WNT3A: variants seen among roughly 807,000 people sequenced by gnomAD.
WNT3A encodes the protein Wnt family member 3A.
A neutral mutation model predicts 37.0 loss-of-function variants in WNT3A; 17 were observed. That is an observed-to-expected ratio of 0.46 (90% CI 0.31 to 0.69). The LOEUF (loss-of-function observed/expected upper bound fraction) is 0.69. Among genes scored for constraint, WNT3A ranks in the 30% least tolerant of loss-of-function variants. WNT3A has a pLI of 0.05. For synonymous variants in WNT3A, 187 were observed against 211.0 expected (o/e 0.89, Z 0.99); for missense variants, 411 against 510.2 (o/e 0.81, Z 1.87).
At chr1:228,049,945 T>G (rs1159262115) in intron 2 of WNT3A, among the ~76,000 whole-genome samples, 1 of 151,970 alleles carries the variant, frequency 6.6e-6, no homozygotes, top group Non-Finnish European at 1.5e-5. Flanking sequence ...ACCTTGCTAA[T>G]TTTAACATTT....
intron 2 of WNT3A, among the ~76,000 whole-genome samples, chr1:228,036,463 C>G (rs994221895): frequency 6.6e-6 from 1 of 152,124 alleles, no homozygotes; most frequent in East Asian, 1.9e-4. Context: ...CCCCATCTGC[C>G]GTCCACCTGG....
At chr1:228,036,289 C>A (rs2031140505) in intron 2 of WNT3A, among the ~76,000 whole-genome samples, 1 of 152,088 alleles carries the variant, frequency 6.6e-6, no homozygotes, top group Non-Finnish European at 1.5e-5. Context: ...TGAGTGTACA[C>A]CCTAGCGTGT....
intron 3 of WNT3A, among the ~76,000 whole-genome samples, chr1:228,054,650 AAC>A (rs2031631143): frequency 1.3e-5 from 2 of 150,576 alleles, no homozygotes; most frequent in Non-Finnish European, 3.0e-5. Flanking sequence ...AAAAAAAGAA[AAC>A]ACAATGTCCA....
intron 1 of WNT3A, among the ~76,000 whole-genome samples, chr1:228,019,716 C>T (rs1571795480): frequency 6.6e-6 from 1 of 152,226 alleles, no homozygotes; most frequent in African/African-American, 2.4e-5. Flanking sequence ...CACCCACCAC[C>T]CTCTCCATTC....
chr1:228,060,326 G>A lies in WNT3A; in HGVS notation c.*861G>A, dbSNP rs77819929. On this transcript the variant is annotated 3_prime_UTR_variant, in exon 4 of 4. Transcript: ENST00000284523. ...ATGAAGCGAGTCGGGTCCCCAACCCGTGCCCCTGGGATCCGAGGGCCCCTC... is the reference window on the plus strand; with the variant it reads ...ATGAAGCGAGTCGGGTCCCCAACCCATGCCCCTGGGATCCGAGGGCCCCTC... 16 of 1,344,490 alleles carry A rather than the reference G, an allele frequency of 1.2e-5. No individual in the cohort carries two copies. Among genetic ancestry groups the A allele is most frequent in the African/African-American group, 3.0e-5 (2 of 67,512 alleles). The allele number at this position is 1,344,490 out of a possible 1,614,324, so 83.3% of individuals were successfully genotyped here. A position where few individuals can be genotyped will look rare whatever the true frequency, so the allele number is the denominator to read the frequency against.
chr1:228,041,674 T>A (rs995349831), intron 2 of WNT3A, among the ~76,000 whole-genome samples: 2 of 152,130 alleles, frequency 1.3e-5, no homozygotes, highest in African/African-American at 4.8e-5. Context: ...TCAGAGCTCA[T>A]GTTGTCAAGC....
Position 228,014,999 on chromosome 1 carries a change from C to T in WNT3A, c.72-7668C>T, listed in dbSNP as rs890193006. ...ATGACAGCCTCCCCTTCAAAACAAA[C>T]GATTGTTAGGAAAAAAACAAAACAA... On this transcript the variant is annotated intron_variant, in intron 1 of 3. Transcript: ENST00000284523. Among the ~76,000 whole-genome samples the T allele has an allele frequency of 1.5e-4, 23 of 152,072 alleles. 1 individual carries two copies. The highest frequency in any genetic ancestry group is 2.2e-4 in the Non-Finnish European group (15 of 68,014).
intron 1 of WNT3A, among the ~76,000 whole-genome samples, chr1:228,021,452 GAT>G (rs971906149): frequency 2.6e-5 from 4 of 152,144 alleles, no homozygotes; most frequent in Non-Finnish European, 5.9e-5. Context: ...CAGACTGGGG[GAT>G]GCGGAGGGCC....
At chr1:228,052,148 G>A (rs979356501) in intron 3 of WNT3A, among the ~76,000 whole-genome samples, 1 of 152,040 alleles carries the variant, frequency 6.6e-6, no homozygotes, top group East Asian at 1.9e-4. Flanking sequence ...GTCACCTTGA[G>A]GGTAAAGATT....
intron 1 of WNT3A, among the ~76,000 whole-genome samples, chr1:228,013,285 C>G (rs1181343058): frequency 2.0e-5 from 3 of 152,150 alleles, no homozygotes; most frequent in African/African-American, 7.2e-5. Flanking sequence ...GTTGGACAAT[C>G]CCCCACCCCA....
In WNT3A at chr1:228,050,797, G is replaced by T; in HGVS notation, c.455G>T (p.Trp152Leu). The T allele has an allele frequency of 6.2e-7, 1 of 1,613,942 alleles. No individual in the cohort carries two copies. Among genetic ancestry groups the T allele is most frequent in the Non-Finnish European group, 8.5e-7 (1 of 1,179,928 alleles). Reference sequence around the variant, plus strand: ...GGCTCACCAGGCAAGGGCTGGAAGTGGGGTGGCTGTAGCGAGGACATCGAG... The same window carrying T: ...GGCTCACCAGGCAAGGGCTGGAAGTTGGGTGGCTGTAGCGAGGACATCGAG... ...HQGSPGKGWKWGGCSEDIEFG... is the reference protein window; with the variant it reads ...HQGSPGKGWKLGGCSEDIEFG... The change falls in exon 3 of 4, where the codon TGG becomes TTG. Residue 152 changes from tryptophan (W) to leucine (L), a missense_variant. Transcript: ENST00000284523. The surrounding 1 kb of genome is among the most constrained non-coding windows in gnomAD (Gnocchi z 5.0).
intron 3 of WNT3A, among the ~76,000 whole-genome samples, chr1:228,051,833 T>C (rs972572685): frequency 6.6e-6 from 1 of 152,066 alleles, no homozygotes; most frequent in Non-Finnish European, 1.5e-5. Context: ...AGTGGAGTGG[T>C]AGCAGGCACG....
chr1:228,011,686 G>A (rs1226228218), intron 1 of WNT3A, among the ~76,000 whole-genome samples: 4 of 152,040 alleles, frequency 2.6e-5, no homozygotes, highest in African/African-American at 7.3e-5. Context: ...TCTGCCTCTC[G>A]TCTCTGCCTC....
At chr1:228,058,962 C>T in intron 3 of WNT3A, 24 bp from the exon 4 acceptor site, 1 of 1,590,562 alleles carries the variant, frequency 6.3e-7, no homozygotes, top group Non-Finnish European at 8.6e-7. Flanking sequence ...CGCCCTGACG[C>T]TGGCTCCTGC....
intron 1 of WNT3A, among the ~76,000 whole-genome samples, chr1:228,018,404 T>C (rs1256172232): frequency 3.4e-5 from 3 of 89,452 alleles, no homozygotes; most frequent in South Asian, 5.0e-4. Context: ...CTGTGCAATT[T>C]AGATTTTTTT....
chr1:228,033,946 A>C (rs553825949), intron 2 of WNT3A, among the ~76,000 whole-genome samples: 1 of 152,162 alleles, frequency 6.6e-6, no homozygotes, highest in Admixed American at 6.5e-5. Flanking sequence ...TCATTTTTTA[A>C]TTATTTGTCA....
At position 228,055,196 on chromosome 1, in the gene WNT3A, A is replaced by G. The variant is rs1301832008; in HGVS notation, c.580-3790A>G. 1.7e-3 allele frequency among the ~76,000 whole-genome samples: 119 copies of G among 71,648 alleles called. 3 individuals are homozygous for G. The highest frequency in any genetic ancestry group is 5.4e-3 in the African/African-American group (118 of 21,708). 47.0% of individuals were successfully genotyped at this position (71,648 alleles called of 152,430 possible). On this transcript the variant is annotated intron_variant, in intron 3 of 3. Transcript: ENST00000284523. ...AAAAAAAAAATATATATATATATAT[A>G]TATATATATATATATATATATATAC...
chr1:228,059,867 T>G lies in WNT3A; in HGVS notation c.*402T>G. On this transcript the variant is annotated 3_prime_UTR_variant, in exon 4 of 4. Transcript: ENST00000284523. Reference sequence around the variant, plus strand: ...GGCTCTGGGTGGGCGGGGCACTAGGTAGGCTTCTACCTGCAGGCGGGGCTC... The same window carrying G: ...GGCTCTGGGTGGGCGGGGCACTAGGGAGGCTTCTACCTGCAGGCGGGGCTC... 9.5e-7 allele frequency: 1 copy of G among 1,048,672 alleles called. No individual in the cohort carries two copies. The allele number at this position is 1,048,672 out of a possible 1,614,324, so 65.0% of individuals were successfully genotyped here. A position where few individuals can be genotyped will look rare whatever the true frequency, so the allele number is the denominator to read the frequency against.
chr1:228,043,962 T>A (rs2031345422), intron 2 of WNT3A, among the ~76,000 whole-genome samples: 1 of 152,094 alleles, frequency 6.6e-6, no homozygotes, highest in African/African-American at 2.4e-5. Flanking sequence ...GGACATTTTT[T>A]AACTTTTTAT....
Sources: allele counts gnomAD v4.1 joint callset (sites outside exome capture counted in the v4.1 genomes callset), GRCh38; gene constraint gnomAD v4.1.1; non-coding constraint Gnocchi (gnomAD v3.1); transcripts MANE v1.5; gene names NCBI Gene and HGNC (gene_info 2026-07-23, HGNC 2026-07-21).